DLG3: variants seen among roughly 807,000 people sequenced by gnomAD.
DLG3 encodes disks large homolog 3.
In DLG3, 1 loss-of-function variant was observed where a neutral mutation model predicts 64.1. The ratio of observed to expected loss-of-function variants is 0.02; its 90% CI spans 0.01 to 0.07. The LOEUF (loss-of-function observed/expected upper bound fraction) is 0.07, where lower values mean the gene tolerates loss of function less well. DLG3 is among the 10% of genes least tolerant of loss of function. The pLI is 1.00. For synonymous variants in DLG3, 245 were observed against 259.8 expected (o/e 0.94, Z 0.55); for missense variants, 429 against 669.5 (o/e 0.64, Z 3.96).
At chrX:70,460,531 T>C (rs779640249) in intron 9 of DLG3, among the ~76,000 whole-genome samples, 6 of 112,357 alleles carry the variant, frequency 5.3e-5, no homozygotes, top group Non-Finnish European at 9.4e-5. Context: ...GGCTTAAGGA[T>C]ATTAATGGAA....
chrX:70,461,500 G>A (rs1226427274), intron 9 of DLG3, among the ~76,000 whole-genome samples: 6 of 67,248 alleles, frequency 8.9e-5, no homozygotes, highest in East Asian at 3.5e-4. Flanking sequence ...TTGTGTGCTC[G>A]GGGGGTTTAA....
At chrX:70,487,009 C>T (rs2087266633) in intron 10 of DLG3, among the ~76,000 whole-genome samples, 1 of 111,897 alleles carries the variant, frequency 8.9e-6, no homozygotes, top group South Asian at 3.7e-4. Context: ...TCTTAAAGAT[C>T]TTAGGAAAGC....
chrX:70,468,502 T>G (rs1331118125), intron 9 of DLG3, among the ~76,000 whole-genome samples: 1 of 111,568 alleles, frequency 9.0e-6, no homozygotes, highest in Admixed American at 9.5e-5. Context: ...TTGTTTTCTG[T>G]TTTCTTCTCA....
At chrX:70,497,371 G>T (rs983909538) in intron 13 of DLG3, 27 of 627,341 alleles carry the variant, frequency 4.3e-5, no homozygotes, top group Admixed American at 7.9e-5. Flanking sequence ...GCTGTGGCCA[G>T]TTCATTCTCC....
chrX:70,498,511 T>C lies in DLG3; in HGVS notation c.1820-9T>C. On this transcript the variant is annotated splice_polypyrimidine_tract_variant and intron_variant, in intron 13 of 18. Transcript: ENST00000374360. ...TATGGTGCTAACCTATCTCTCTTTT[T>C]TGTTGCAGAAGGACAAGAGGATGCT... 2.5e-6 allele frequency: 3 copies of C among 1,209,124 alleles called. No individual in the cohort carries two copies. The highest frequency in any genetic ancestry group is 3.4e-6 in the Non-Finnish European group (3 of 893,937).
intron 9 of DLG3, among the ~76,000 whole-genome samples, chrX:70,473,014 G>A (rs767732177): frequency 9.1e-6 from 1 of 109,414 alleles, no homozygotes; most frequent in South Asian, 4.1e-4. Flanking sequence ...AATATTAGCT[G>A]GGAGTGGTGG....
At chrX:70,476,467 G>A (rs923237689) in intron 9 of DLG3, among the ~76,000 whole-genome samples, 3 of 111,445 alleles carry the variant, frequency 2.7e-5, no homozygotes, top group African/African-American at 9.8e-5. Context: ...TTTAAGGGAA[G>A]CTTTTGTCCT....
chrX:70,454,486 T>C (rs780331867), intron 9 of DLG3, among the ~76,000 whole-genome samples, 170 bp downstream of exon 9: 27 of 112,074 alleles, frequency 2.4e-4, no homozygotes, highest in Non-Finnish European at 4.7e-4. Flanking sequence ...TTTGGGCGGC[T>C]TGAAAGCATC....
Position 70,501,061 on chromosome X carries a change from G to A in DLG3, c.2347+72G>A, listed in dbSNP as rs1406491321. ...TACCTGTTTCTATAAGTGTCTCAAAGAGGTGTAGACAGAATGTAGAAACCT... is the reference window on the plus strand; with the variant it reads ...TACCTGTTTCTATAAGTGTCTCAAAAAGGTGTAGACAGAATGTAGAAACCT... On this transcript the variant is annotated intron_variant, in intron 18 of 18. Transcript: ENST00000374360. The A allele has an allele frequency of 9.6e-6, 8 of 833,581 alleles. No individual in the cohort carries two copies. The African/African-American group carries it at 1.2e-4, about 13-fold the overall frequency. The allele number at this position is 833,581 out of a possible 1,213,427, so 68.7% of individuals were successfully genotyped here.
chrX:70,453,574 G>A, intron 7 of DLG3, 63 bp from the exon 8 acceptor site: 3 of 1,187,685 alleles, frequency 2.5e-6, no homozygotes, highest in Non-Finnish European at 3.4e-6. Context: ...GTTCCAGGCT[G>A]GCCCTCAAAG....
chrX:70,500,946 C>G lies in DLG3; in HGVS notation c.2304C>G (p.Asp768Glu). 1 of 1,203,539 alleles carries G rather than the reference C, an allele frequency of 8.3e-7. No individual in the cohort carries two copies. Among genetic ancestry groups the G allele is most frequent in the Non-Finnish European group, 1.1e-6 (1 of 891,072 alleles). Residue 768 changes from aspartate to glutamate, a missense_variant, in exon 18 of 19, where the codon GAC (aspartate) becomes GAG (glutamate). By Grantham distance (45) the Asp-to-Glu change is conservative. Transcript: ENST00000374360. ...ATGAACAAGCAAATAAGATCTATGA[C>G]AAAGCCATGAAACTGGAGCAGGAAT... ...QTYEQANKIY[D>E]KAMKLEQEFG...
At chrX:70,448,669 T>C (rs1441602436) in intron 1 of DLG3, 4 of 1,129,108 alleles carry the variant, frequency 3.5e-6, no homozygotes, top group Non-Finnish European at 4.8e-6. Context: ...TCTCAGACAA[T>C]TGATCTGGGC....
chrX:70,500,322 C>T (rs41306139), intron 16 of DLG3, 149 bp from the exon 17 acceptor site: 12 of 553,007 alleles, frequency 2.2e-5, no homozygotes, highest in South Asian at 5.2e-5. Flanking sequence ...CTTCAGAGAT[C>T]GAATTTCTTA....
chrX:70,455,253 C>A, intron 9 of DLG3: 1 of 754,893 alleles, frequency 1.3e-6, no homozygotes, highest in Non-Finnish European at 1.6e-6. Flanking sequence ...TGGACTCCGA[C>A]CCGGCGCCAG....
chrX:70,495,336 C>A, intron 12 of DLG3, 72 bp from the exon 13 acceptor site: 2 of 1,001,164 alleles, frequency 2.0e-6, no homozygotes, highest in Admixed American at 2.2e-5. Flanking sequence ...TCTTCCATTC[C>A]CTCCCATCCC....
chrX:70,501,413 CTGTGTGTG>C (rs58272461), intron 18 of DLG3, among the ~76,000 whole-genome samples: 2 of 93,883 alleles, frequency 2.1e-5, no homozygotes, highest in African/African-American at 8.2e-5. Context: ...GTCTGTCTGT[CTGTGTGTG>C]TGTGTGTGTG....
At chrX:70,496,719 T>C (rs756119251) in intron 13 of DLG3, among the ~76,000 whole-genome samples, 2 of 112,517 alleles carry the variant, frequency 1.8e-5, no homozygotes, top group South Asian at 7.3e-4. Flanking sequence ...CCATCCAGCG[T>C]TTGGCCTCTT....
chrX:70,483,382 G>A (rs1345123637), intron 10 of DLG3, among the ~76,000 whole-genome samples: 2 of 113,173 alleles, frequency 1.8e-5, no homozygotes, highest in Non-Finnish European at 3.7e-5. Context: ...CAGTTGCAGG[G>A]TATATTCAAG....
At chrX:70,452,602 A>G (rs747255250) in intron 7 of DLG3, 17 of 1,174,805 alleles carry the variant, frequency 1.4e-5, no homozygotes, top group South Asian at 3.8e-5. Flanking sequence ...GTAGGCAGCC[A>G]GGGGAGAGAG....
Sources: gnomAD v4.1 joint callset for allele counts (sites outside exome capture counted in the v4.1 genomes callset) on GRCh38, gnomAD v4.1.1 for gene constraint, MANE v1.5 for transcripts, NCBI Gene and HGNC (gene_info 2026-07-23, HGNC 2026-07-21) for gene names.